ADCY5: variants seen among roughly 807,000 people sequenced by gnomAD.
ADCY5 encodes adenylate cyclase 5.
A neutral mutation model predicts 119.7 loss-of-function variants in ADCY5; 30 were observed. The observed-to-expected ratio is 0.25, with a 90% CI of 0.19 to 0.34. The LOEUF (loss-of-function observed/expected upper bound fraction) is 0.34, where lower values mean the gene tolerates loss of function less well. Ranked by LOEUF, ADCY5 falls within the 10% of genes least tolerant of loss-of-function variation. The pLI is 1.00. For missense variants in ADCY5, 1,324 were observed against 1,775.2 expected (o/e 0.75, Z 4.57); for synonymous variants, 753 against 762.2 (o/e 0.99, Z 0.20).
At chr3:123,389,647 G>A (rs59891832) in intron 1 of ADCY5, among the ~76,000 whole-genome samples, 18,113 of 151,918 alleles carry the variant, frequency 0.12, 2,697 homozygotes, top group African/African-American at 0.34. Context: ...CACATGTGGA[G>A]AGGCATGTGA....
chr3:123,304,916 A>C (rs1004842646), intron 12 of ADCY5, among the ~76,000 whole-genome samples: 1 of 152,112 alleles, frequency 6.6e-6, no homozygotes, highest in East Asian at 1.9e-4. Flanking sequence ...CTCCCATGCA[A>C]CCTAGGCTGA....
At chr3:123,413,310 C>A (rs995440047) in intron 1 of ADCY5, among the ~76,000 whole-genome samples, 2 of 152,228 alleles carry the variant, frequency 1.3e-5, no homozygotes, top group Non-Finnish European at 2.9e-5. Flanking sequence ...GAGCACTTCC[C>A]GTCCCTGACC....
Position 123,397,706 on chromosome 3 carries a change from G to T in ADCY5, c.1135-45125C>A, listed in dbSNP as rs1382198675. ...TAAATCCCTTCTTCTGTTCTGCAGG[G>T]AAGATCTTCTTTGCTATTCTCAACT... On this transcript the variant is annotated intron_variant, in intron 1 of 20. Transcript: ENST00000462833. 3.2e-4 allele frequency among the ~76,000 whole-genome samples: 49 copies of T among 152,186 alleles called. 1 individual carries two copies. Among genetic ancestry groups the T allele is most frequent in the Non-Finnish European group, 2.9e-5 (2 of 68,042 alleles).
At chr3:123,411,760 G>C (rs1559868860) in intron 1 of ADCY5, among the ~76,000 whole-genome samples, 1 of 152,144 alleles carries the variant, frequency 6.6e-6, no homozygotes, top group Non-Finnish European at 1.5e-5. Flanking sequence ...AAAGCCTCTG[G>C]GCTCACAGCT....
chr3:123,286,582 G>A lies in ADCY5; in HGVS notation c.3657+103C>T. 2 of 1,447,674 alleles carry A rather than the reference G, an allele frequency of 1.4e-6. No individual in the cohort carries two copies. The highest frequency in any genetic ancestry group is 1.8e-6 in the Non-Finnish European group (2 of 1,086,870). The allele number at this position is 1,447,674 out of a possible 1,614,324, so 89.7% of individuals were successfully genotyped here. A position where few individuals can be genotyped will look rare whatever the true frequency, so the allele number is the denominator to read the frequency against. ...CCCATCACCCTTGAATCTGGCTGCA[G>A]ACATTCTGACTGGGAACTGTAGGTG... is the stretch of plus-strand genomic sequence containing the variant. On this transcript the variant is annotated intron_variant, in intron 20 of 20. Coordinates refer to ENST00000462833, the MANE Select transcript of ADCY5 (RefSeq NM_183357.3). This position sits in a 1 kb window ranked among gnomAD's most constrained non-coding sequence, Gnocchi z 4.2.
chr3:123,405,935 C>T (rs1230084831), intron 1 of ADCY5, among the ~76,000 whole-genome samples: 1 of 152,112 alleles, frequency 6.6e-6, no homozygotes, highest in East Asian at 1.9e-4. Flanking sequence ...ACACCCAGCA[C>T]TTTTTATTTT....
chr3:123,353,135 C>CT (rs1281943691), intron 1 of ADCY5, among the ~76,000 whole-genome samples: 10 of 152,312 alleles, frequency 6.6e-5, no homozygotes, highest in Admixed American at 4.6e-4. Context: ...GTCTCCACTC[C>CT]TTCCTCCCTA....
At chr3:123,339,175 CT>C (rs1464638853) in intron 3 of ADCY5, among the ~76,000 whole-genome samples, 4 of 152,316 alleles carry the variant, frequency 2.6e-5, no homozygotes, top group Middle Eastern at 3.4e-3. Context: ...GTGGCCACAC[CT>C]CTGGATGGGC....
chr3:123,438,074 C>G (rs937541791), intron 1 of ADCY5, among the ~76,000 whole-genome samples: 1 of 152,112 alleles, frequency 6.6e-6, no homozygotes. Flanking sequence ...TAGATGCCTT[C>G]GGATAGGCCT....
chr3:123,320,369 A>C (rs1941153794), intron 9 of ADCY5, among the ~76,000 whole-genome samples: 2 of 152,368 alleles, frequency 1.3e-5, no homozygotes, highest in East Asian at 3.9e-4. Flanking sequence ...AATTTCTGAC[A>C]GTCCTGAGAA....
intron 1 of ADCY5, among the ~76,000 whole-genome samples, chr3:123,415,022 G>A (rs1350619507): frequency 6.6e-6 from 1 of 152,084 alleles, no homozygotes; most frequent in Non-Finnish European, 1.5e-5. Context: ...GGCCCCTTGG[G>A]TCCCTAGAGA....
At chr3:123,391,851 C>T (rs374304103) in intron 1 of ADCY5, among the ~76,000 whole-genome samples, 4 of 152,192 alleles carry the variant, frequency 2.6e-5, no homozygotes, top group Admixed American at 1.3e-4. Context: ...GCTAACAGTT[C>T]GCCTGGGGTG....
chr3:123,292,346 G>A (rs1939203379), intron 17 of ADCY5, among the ~76,000 whole-genome samples: 1 of 152,182 alleles, frequency 6.6e-6, no homozygotes. Context: ...CAGGACCTGG[G>A]TCCAGCACGG....
Position 123,448,343 on chromosome 3 carries a change from C to CGCT in ADCY5, c.200_202dup (p.Gln67dup), listed in dbSNP as rs752225486. 23 of 1,525,148 alleles carry CGCT rather than the reference C, an allele frequency of 1.5e-5. No individual in the cohort carries two copies. The highest frequency in any genetic ancestry group is 1.9e-5 in the Non-Finnish European group (22 of 1,147,118). 94.5% of individuals were successfully genotyped at this position (1,525,148 alleles called of 1,614,324 possible). A position where few individuals can be genotyped will look rare whatever the true frequency, so the allele number is the denominator to read the frequency against. On this transcript the variant is annotated inframe_insertion, in exon 1 of 21. Coordinates refer to ENST00000462833, the MANE Select transcript of ADCY5 (RefSeq NM_183357.3). Reference sequence around the variant, plus strand: ...GTCGCTGCGCCAGCGGCTGGCCAGGCGCTGCTGCTGCTGCGGGGTCACCGC... The same window carrying CGCT: ...GTCGCTGCGCCAGCGGCTGGCCAGGCGCTGCTGCTGCTGCTGCGGGGTCACCGC...
chr3:123,295,702 G>A (rs145460498), intron 17 of ADCY5, among the ~76,000 whole-genome samples: 258 of 151,894 alleles, frequency 1.7e-3, no homozygotes, highest in Admixed American at 4.9e-3. Context: ...TCCTTCCCCC[G>A]TCCCAGATGC....
At chr3:123,423,869 C>T (rs1488316505) in intron 1 of ADCY5, among the ~76,000 whole-genome samples, 1 of 152,222 alleles carries the variant, frequency 6.6e-6, no homozygotes. Context: ...AGCACCTGCT[C>T]AGCCCCTGAT....
At chr3:123,379,163 T>C (rs1262302457) in intron 1 of ADCY5, among the ~76,000 whole-genome samples, 1 of 152,112 alleles carries the variant, frequency 6.6e-6, no homozygotes, top group Non-Finnish European at 1.5e-5. Flanking sequence ...TTCACTTTAA[T>C]ACACGCCTGT....
intron 7 of ADCY5, among the ~76,000 whole-genome samples, chr3:123,326,339 G>A (rs1271404445): frequency 6.6e-6 from 1 of 152,198 alleles, no homozygotes; most frequent in Non-Finnish European, 1.5e-5. Flanking sequence ...GTGCAAGAGA[G>A]CTAGAGACCT....
intron 1 of ADCY5, among the ~76,000 whole-genome samples, chr3:123,441,036 A>T (rs1370122313): frequency 1.3e-5 from 2 of 152,192 alleles, no homozygotes; most frequent in East Asian, 3.9e-4. Context: ...TGATAAGAGG[A>T]CACCCTGGAG....
Sources: allele counts gnomAD v4.1 joint callset (sites outside exome capture counted in the v4.1 genomes callset), GRCh38; gene constraint gnomAD v4.1.1; non-coding constraint Gnocchi (gnomAD v3.1); transcripts MANE v1.5; gene names NCBI Gene and HGNC (gene_info 2026-07-23, HGNC 2026-07-21).